GAS7: variants seen among roughly 807,000 people sequenced by gnomAD.
GAS7 encodes growth arrest-specific protein 7.
A neutral mutation model predicts 71.1 loss-of-function variants in GAS7; 28 were observed. The ratio of observed to expected loss-of-function variants is 0.39; its 90% confidence interval spans 0.29 to 0.54. The LOEUF (loss-of-function observed/expected upper bound fraction) is 0.54, where lower values mean the gene tolerates loss of function less well. Ranked by LOEUF, GAS7 falls within the 20% of genes least tolerant of loss-of-function variation. The pLI, the probability that GAS7 is intolerant of heterozygous loss-of-function variation, is 0.62. For missense variants in GAS7, 436 were observed against 627.8 expected, an observed-to-expected ratio of 0.69 and a Z score of 3.27; for synonymous variants, 258 against 245.8, an observed-to-expected ratio of 1.05 and a Z score of -0.46.
At chr17:10,161,581 C>T (rs1156405385) in intron 1 of GAS7, among the ~76,000 whole-genome samples, 1 of 152,216 alleles carries the variant, frequency 6.6e-6, no homozygotes, top group African/African-American at 2.4e-5. Flanking sequence ...ACTTGAGCTT[C>T]CTGCAGACTC....
Position 10,046,785 on chromosome 17 carries a change from AAAGGAAGGAAGGAAGGAAGG to A in GAS7, c.184-26908_184-26889del, listed in dbSNP as rs57271954. On this transcript the variant is annotated intron_variant, in intron 1 of 13. Coordinates refer to ENST00000432992, the MANE Select transcript of GAS7 (RefSeq NM_201433.2). ...AAAGAAAGAAGAGAAAGAAAGAAAG[AAAGGAAGGAAGGAAGGAAGG>A]AAGGAAGGAAGGAAGGAAGGAAGGA... Among the ~76,000 whole-genome samples, 407 of 68,790 alleles carry A rather than the reference AAAGGAAGGAAGGAAGGAAGG, an allele frequency of 5.9e-3. 8 individuals are homozygous for A. Among genetic ancestry groups the A allele is most frequent in the Middle Eastern group, 7.2e-3 (1 of 138 alleles). 45.1% of individuals were successfully genotyped at this position (68,790 alleles called of 152,430 possible).
intron 2 of GAS7, among the ~76,000 whole-genome samples, chr17:9,993,933 G>A (rs1482479208): frequency 5.9e-5 from 9 of 152,066 alleles, no homozygotes; most frequent in Non-Finnish European, 1.3e-4. Context: ...ACTCACAATT[G>A]CTTCAAAGAG....
At chr17:9,943,888 T>C (rs1381273561) in intron 6 of GAS7, among the ~76,000 whole-genome samples, 1 of 152,142 alleles carries the variant, frequency 6.6e-6, no homozygotes, top group Non-Finnish European at 1.5e-5. Context: ...ACTGACGAAA[T>C]AACAGCCCCA....
At chr17:10,087,374 T>A (rs768480906) in intron 1 of GAS7, among the ~76,000 whole-genome samples, 1 of 152,156 alleles carries the variant, frequency 6.6e-6, no homozygotes, top group Non-Finnish European at 1.5e-5. Context: ...AAGGCCTTCC[T>A]TAGGTGGGAG....
intron 2 of GAS7, among the ~76,000 whole-genome samples, chr17:10,001,761 T>C (rs1019393703): frequency 6.6e-6 from 1 of 152,178 alleles, no homozygotes; most frequent in Non-Finnish European, 1.5e-5. Flanking sequence ...CAAAAGTATT[T>C]GGAAATTAAT....
chr17:9,992,009 G>C (rs534422290), intron 2 of GAS7, among the ~76,000 whole-genome samples: 1 of 152,256 alleles, frequency 6.6e-6, no homozygotes, highest in South Asian at 2.1e-4. Context: ...TAGAAATACT[G>C]GTGCCCAGAC....
intron 1 of GAS7, among the ~76,000 whole-genome samples, chr17:10,149,147 G>A (rs113303334): frequency 0.074 from 11,247 of 152,146 alleles, 437 homozygotes; most frequent in Admixed American, 0.11. Context: ...CTATCACCCA[G>A]ACTGGAGTGC....
At chr17:9,951,780 A>AAAAAAAAAAAAAAC (rs1567814280) in intron 5 of GAS7, among the ~76,000 whole-genome samples, 2 of 141,940 alleles carry the variant, frequency 1.4e-5, no homozygotes, top group African/African-American at 5.5e-5. Context: ...AAAAAAAAAA[A>AAAAAAAAAAAAAAC]AAAAAACAAG....
intron 1 of GAS7, among the ~76,000 whole-genome samples, chr17:10,140,134 T>C (rs35246362): frequency 0.23 from 35,515 of 152,078 alleles, 4,554 homozygotes; most frequent in African/African-American, 0.32. Context: ...AGCCCCACAA[T>C]GACATAAGAC....
chr17:9,990,934 T>A (rs1274597602), intron 2 of GAS7, among the ~76,000 whole-genome samples: 1 of 152,192 alleles, frequency 6.6e-6, no homozygotes. Context: ...CCAGATCTAT[T>A]CCTTTTAACA....
In GAS7 at chr17:9,964,171, A is replaced by C. The variant is rs189202445; in HGVS notation, c.472-4916T>G. On this transcript the variant is annotated intron_variant, in intron 4 of 13. Transcript: ENST00000432992. The stretch of plus-strand genomic sequence containing the variant: ...TAAAGGCCTGCCCAGGGGTCAGGAC[A>C]CCCCACCTGGGCATCTCTGCATCAC... Among the ~76,000 whole-genome samples the C allele has an allele frequency of 2.6e-3, 394 of 152,184 alleles. 3 individuals carry two copies. Among genetic ancestry groups the C allele is most frequent in the Middle Eastern group, 0.01 (3 of 294 alleles).
At chr17:10,136,930 TG>T (rs1197931944) in intron 1 of GAS7, among the ~76,000 whole-genome samples, 4 of 151,902 alleles carry the variant, frequency 2.6e-5, no homozygotes, top group Non-Finnish European at 5.9e-5. Flanking sequence ...AAGACCAGCA[TG>T]GGAAAGATGG....
chr17:9,931,951 T>C (rs1256559774), intron 9 of GAS7, among the ~76,000 whole-genome samples: 1 of 152,112 alleles, frequency 6.6e-6, no homozygotes, highest in Non-Finnish European at 1.5e-5. Context: ...GGACTTGCAA[T>C]TGCAGTAGGA....
chr17:9,994,769 C>A (rs963859197), intron 2 of GAS7, among the ~76,000 whole-genome samples: 4 of 151,812 alleles, frequency 2.6e-5, no homozygotes, highest in Non-Finnish European at 5.9e-5. Context: ...AAAATTTTCA[C>A]AACCTACTCA....
At chr17:10,155,704 A>T (rs1489256184) in intron 1 of GAS7, among the ~76,000 whole-genome samples, 5 of 152,146 alleles carry the variant, frequency 3.3e-5, no homozygotes, top group African/African-American at 1.2e-4. Flanking sequence ...TCCTGTTCAG[A>T]GGCAGCCTTC....
chr17:10,078,500 T>C (rs916520803), intron 1 of GAS7, among the ~76,000 whole-genome samples: 4 of 152,242 alleles, frequency 2.6e-5, no homozygotes, highest in South Asian at 4.1e-4. Context: ...TGCTTTCTTG[T>C]TGTTGTTCCA....
chr17:10,186,762 C>T (rs919081274), intron 1 of GAS7, among the ~76,000 whole-genome samples: 4 of 152,150 alleles, frequency 2.6e-5, no homozygotes, highest in African/African-American at 9.7e-5. Flanking sequence ...GTGGCTCATG[C>T]CTATACTCCC....
chr17:10,183,823 C>A (rs1311868884), intron 1 of GAS7, among the ~76,000 whole-genome samples: 1 of 151,382 alleles, frequency 6.6e-6, no homozygotes, highest in Non-Finnish European at 1.5e-5. Flanking sequence ...GCCTGGGCGA[C>A]AGAGCGAGAC....
intron 4 of GAS7, among the ~76,000 whole-genome samples, chr17:9,961,012 C>T (rs544182851): frequency 6.8e-4 from 104 of 152,230 alleles, no homozygotes; most frequent in African/African-American, 2.4e-3. Flanking sequence ...AATAGAGTCC[C>T]AGCTGCACTC....
Sources: allele counts gnomAD v4.1 joint callset (sites outside exome capture counted in the v4.1 genomes callset), GRCh38; gene constraint gnomAD v4.1.1; transcripts MANE v1.5; gene names NCBI Gene and HGNC (gene_info 2026-07-23, HGNC 2026-07-21).